N4BP2: variants seen among roughly 807,000 people sequenced by gnomAD.
N4BP2 encodes the protein NEDD4-binding protein 2.
N4BP2 carries 91 observed loss-of-function variants against 152.8 expected under a neutral mutation model. The observed-to-expected ratio is 0.60, with a 90% CI of 0.50 to 0.71. The LOEUF (loss-of-function observed/expected upper bound fraction) is 0.71. Among genes scored for constraint, N4BP2 ranks in the 30% least tolerant of loss-of-function variants. The pLI is 0.00. For missense variants in N4BP2, 1,923 were observed against 2,059.1 expected (o/e 0.93, Z 1.28); for synonymous variants, 646 against 705.3 (o/e 0.92, Z 1.33).
In N4BP2 at chr4:40,096,159, T is replaced by G. The variant is rs527296138; in HGVS notation, c.-114-1068T>G. ...CTATTCCAGGTATGAGTCCCTGCCC[T>G]TGTGGAGCTTACACTTTATTGGAAT... On this transcript the variant is annotated intron_variant, in intron 2 of 17. Transcript: ENST00000261435. 3.9e-5 allele frequency among the ~76,000 whole-genome samples: 6 copies of G among 152,302 alleles called. No homozygotes were observed. The East Asian group carries it at 9.6e-4, about 24-fold the overall frequency.
chr4:40,097,170 G>A (rs1238724743), intron 2 of N4BP2, 57 bp from the exon 3 acceptor site: 6 of 555,278 alleles, frequency 1.1e-5, no homozygotes, highest in Admixed American at 3.4e-5. Context: ...ATGTCATTCC[G>A]ATTTTAGAAA....
At chr4:40,095,347 C>T (rs1014199876) in intron 2 of N4BP2, among the ~76,000 whole-genome samples, 1 of 152,238 alleles carries the variant, frequency 6.6e-6, no homozygotes, top group Admixed American at 6.5e-5. Context: ...TCCCAAAGTG[C>T]TGGGATTACA....
intron 1 of N4BP2, among the ~76,000 whole-genome samples, chr4:40,059,115 C>T (rs924449355): frequency 1.6e-4 from 25 of 152,140 alleles, no homozygotes; most frequent in African/African-American, 4.8e-4. Context: ...CCACCACGCC[C>T]GCCCGGCCGT....
At chr4:40,062,475 T>C (rs1366817573) in intron 1 of N4BP2, among the ~76,000 whole-genome samples, 1 of 152,140 alleles carries the variant, frequency 6.6e-6, no homozygotes, top group Non-Finnish European at 1.5e-5. Flanking sequence ...TTTCCCACTG[T>C]AGCTAGAGTA....
intron 12 of N4BP2, among the ~76,000 whole-genome samples, chr4:40,128,605 G>A (rs976023668): frequency 2.0e-5 from 3 of 150,620 alleles, no homozygotes; most frequent in African/African-American, 7.3e-5. Flanking sequence ...TTGGCACACT[G>A]CAACCTCCAC....
rs1218223574 is a variant in N4BP2, at chr4:40,156,634, A to T, written c.*2397A>T. 1 of 152,096 alleles carries T rather than the reference A, an allele frequency of 6.6e-6. No individual in the cohort carries two copies. The highest frequency in any genetic ancestry group is 1.5e-5 in the Non-Finnish European group (1 of 67,982). 9.4% of individuals were successfully genotyped at this position (152,096 alleles called of 1,614,324 possible). A position where few individuals can be genotyped will look rare whatever the true frequency, so the allele number is the denominator to read the frequency against. On this transcript the variant is annotated 3_prime_UTR_variant, in exon 18 of 18. Coordinates refer to ENST00000261435, the MANE Select transcript of N4BP2 (RefSeq NM_018177.6). ...AGTAAAGATAGTTTGGGGATTTTAAAAGTTTTCTCTATTACCCATTTCTAA... is the reference window on the plus strand; with the variant it reads ...AGTAAAGATAGTTTGGGGATTTTAATAGTTTTCTCTATTACCCATTTCTAA...
chr4:40,057,850 G>A (rs751857788), intron 1 of N4BP2, among the ~76,000 whole-genome samples: 3 of 152,082 alleles, frequency 2.0e-5, no homozygotes, highest in Non-Finnish European at 2.9e-5. Context: ...GGCTTCAAAG[G>A]CTCTTCCTTT....
At position 40,138,571 on chromosome 4, in the gene N4BP2, A is replaced by T. The variant is rs187254867; in HGVS notation, c.4785+1489A>T. On this transcript the variant is annotated intron_variant, in intron 14 of 17. Transcript: ENST00000261435. ...TTAGGTCTTTAATCCATTTTGAGTTAATTTTTGTATATGTAGTGAGATAGA... is the reference window on the plus strand; with the variant it reads ...TTAGGTCTTTAATCCATTTTGAGTTTATTTTTGTATATGTAGTGAGATAGA... Among the ~76,000 whole-genome samples, 3 of 152,276 alleles carry T rather than the reference A, an allele frequency of 2.0e-5. No individual in the cohort carries two copies. The East Asian group carries it at 5.8e-4, about 29-fold the overall frequency.
chr4:40,158,141 C>T lies in N4BP2; in HGVS notation c.*3904C>T, dbSNP rs1010227148. On this transcript the variant is annotated 3_prime_UTR_variant, in exon 18 of 18. Coordinates refer to ENST00000261435, the MANE Select transcript of N4BP2 (RefSeq NM_018177.6). ...GTACTGTATAGAAAATGTAATTTTG[C>T]TGTTAACTCTGTACTTTTTAAATTG... The T allele has an allele frequency of 6.6e-6, 1 of 152,054 alleles. No homozygotes were observed. The highest frequency in any genetic ancestry group is 1.5e-5 in the Non-Finnish European group (1 of 68,002). 9.4% of individuals were successfully genotyped at this position (152,054 alleles called of 1,614,324 possible).
downstream of N4BP2, among the ~76,000 whole-genome samples, chr4:40,158,445 T>G (rs1721762369): frequency 6.6e-6 from 1 of 152,204 alleles, no homozygotes; most frequent in African/African-American, 2.4e-5. Context: ...ATAAATGGAT[T>G]GGCTATGGTT....
rs931384977 is a variant in N4BP2, at chr4:40,106,910, G to A, written c.1384G>A (p.Glu462Lys). 4 of 1,606,064 alleles carry A rather than the reference G, an allele frequency of 2.5e-6. No individual in the cohort carries two copies. The highest frequency in any genetic ancestry group is 1.7e-4 in the Middle Eastern group (1 of 6,026). ...ATTTATCTTTCACAGGACTTTGCAAGAGGATAATCCAAGTGGAGTCATTCT... is the reference window on the plus strand; with the variant it reads ...ATTTATCTTTCACAGGACTTTGCAAAAGGATAATCCAAGTGGAGTCATTCT... Reference protein sequence around the residue: ...GKSFLARTLQEDNPSGVILST... With the variant: ...GKSFLARTLQKDNPSGVILST... Residue 462 changes from glutamate to lysine, a missense_variant, in exon 5 of 18, where the codon GAG becomes AAG. By Grantham distance (56) the Glu-to-Lys change is moderately conservative. Transcript: ENST00000261435.
chr4:40,101,447 A>C (rs1715644077), intron 3 of N4BP2, among the ~76,000 whole-genome samples: 2 of 152,202 alleles, frequency 1.3e-5, no homozygotes, highest in African/African-American at 4.8e-5. Flanking sequence ...GGCATGAGCA[A>C]CCACGCCAAA....
the N4BP2 span, among the ~76,000 whole-genome samples, chr4:40,182,853 T>A: frequency 1.3e-5 from 2 of 152,080 alleles, no homozygotes; most frequent in African/African-American, 4.8e-5. Flanking sequence ...ATGTTTGCAT[T>A]TTTAGTAGAG....
chr4:40,127,264 G>A (rs1245835339), intron 12 of N4BP2, among the ~76,000 whole-genome samples: 1 of 151,812 alleles, frequency 6.6e-6, no homozygotes, highest in Admixed American at 6.6e-5. Context: ...TGTTGCCCAG[G>A]CTGGAGTGCA....
chr4:40,185,014 CAGAT>C, the N4BP2 span, among the ~76,000 whole-genome samples: 13 of 152,092 alleles, frequency 8.5e-5, no homozygotes, highest in South Asian at 1.5e-3. Context: ...TTTTACTGTA[CAGAT>C]AGTTTAATTT....
At chr4:40,181,836 C>G in the N4BP2 span, among the ~76,000 whole-genome samples, 34 of 152,194 alleles carry the variant, frequency 2.2e-4, no homozygotes, top group South Asian at 2.1e-4. Flanking sequence ...GTAGTCCCAA[C>G]TACTATGGAG....
rs6842435 is a variant in N4BP2 at position 40,155,593 on chromosome 4, T to A, written c.*1356T>A. The A allele has an allele frequency of 1.3e-5, 2 of 152,058 alleles. No homozygotes were observed. The highest frequency in any genetic ancestry group is 2.4e-5 in the African/African-American group (1 of 41,370). The allele number at this position is 152,058 out of a possible 1,614,324, so 9.4% of individuals were successfully genotyped here. A position where few individuals can be genotyped will look rare whatever the true frequency, so the allele number is the denominator to read the frequency against. ...TAAACCTGTGTAAAGGAGGTTATAA[T>A]GTGGTAAGGTATAATTTTCCAATAT... On this transcript the variant is annotated 3_prime_UTR_variant, in exon 18 of 18. Coordinates refer to ENST00000261435, the MANE Select transcript of N4BP2 (RefSeq NM_018177.6).
intron 2 of N4BP2, among the ~76,000 whole-genome samples, chr4:40,075,816 T>G (rs746498835): frequency 2.0e-5 from 3 of 152,082 alleles, no homozygotes; most frequent in Non-Finnish European, 4.4e-5. Flanking sequence ...AACAGATAGA[T>G]ACATATTTCT....
At chr4:40,130,682 A>G (rs1718830201) in intron 12 of N4BP2, among the ~76,000 whole-genome samples, 1 of 152,098 alleles carries the variant, frequency 6.6e-6, no homozygotes, top group Non-Finnish European at 1.5e-5. Context: ...AAACAATTTT[A>G]TGTAGAGATA....
Sources: allele counts gnomAD v4.1 joint callset (sites outside exome capture counted in the v4.1 genomes callset), GRCh38; gene constraint gnomAD v4.1.1; transcripts MANE v1.5; gene names NCBI Gene and HGNC (gene_info 2026-07-23, HGNC 2026-07-21).